The following FBXO42 variants were observed in gnomAD, a reference collection of about 807,000 sequenced individuals.
FBXO42 encodes F-box protein 42.
FBXO42 carries 12 observed loss-of-function variants against 71.7 expected under a neutral mutation model. The ratio of observed to expected loss-of-function variants is 0.17; its 90% CI spans 0.11 to 0.27. The LOEUF is 0.27. Among genes scored for constraint, FBXO42 ranks in the 10% least tolerant of loss-of-function variants. FBXO42 has a pLI of 1.00. For synonymous variants in FBXO42, 325 were observed against 327.5 expected (o/e 0.99, Z 0.08); for missense variants, 707 against 911.9 (o/e 0.78, Z 2.89).
In FBXO42 at chr1:16,249,856, G is replaced by A. The variant is rs1029836596; in HGVS notation, c.*814C>T. Reference sequence around the variant, plus strand: ...AGTGAATGGAAAAGGCAGTTTCCAAGTACCATGTTCTAAGGGAAGAAAGAG... The same window carrying A: ...AGTGAATGGAAAAGGCAGTTTCCAAATACCATGTTCTAAGGGAAGAAAGAG... On this transcript the variant is annotated 3_prime_UTR_variant, in exon 10 of 10. Coordinates refer to ENST00000375592, the MANE Select transcript of FBXO42 (RefSeq NM_018994.3). The A allele has an allele frequency of 3.9e-5, 6 of 152,110 alleles. No homozygotes were observed. The highest frequency in any genetic ancestry group is 1.2e-4 in the African/African-American group (5 of 41,440). 9.4% of individuals were successfully genotyped at this position (152,110 alleles called of 1,614,324 possible). A position where few individuals can be genotyped will look rare whatever the true frequency, so the allele number is the denominator to read the frequency against.
At chr1:16,341,685 T>A (rs969882778) in intron 1 of FBXO42, among the ~76,000 whole-genome samples, 3 of 148,920 alleles carry the variant, frequency 2.0e-5, no homozygotes, top group African/African-American at 7.4e-5. Context: ...TCTTAAAAGT[T>A]CTGGGCCGGG....
chr1:16,335,683 T>A (rs556195989), intron 1 of FBXO42, among the ~76,000 whole-genome samples: 2 of 151,964 alleles, frequency 1.3e-5, no homozygotes, highest in Admixed American at 1.3e-4. Context: ...CTGGCCAGCA[T>A]GGTGAAACAC....
intron 4 of FBXO42, among the ~76,000 whole-genome samples, chr1:16,266,687 A>G (rs2081778095): frequency 6.6e-6 from 1 of 152,154 alleles, no homozygotes; most frequent in Non-Finnish European, 1.5e-5. Flanking sequence ...GATTTTGCTG[A>G]TAAAACCAAA....
intron 1 of FBXO42, among the ~76,000 whole-genome samples, chr1:16,330,171 T>C (rs893032921): frequency 2.0e-5 from 3 of 152,264 alleles, no homozygotes; most frequent in Admixed American, 6.5e-5. Flanking sequence ...CTTGGGCAAA[T>C]AAAACTTTCT....
chr1:16,294,418 C>T (rs1409556910), intron 4 of FBXO42: 2 of 221,220 alleles, frequency 9.0e-6, no homozygotes, highest in East Asian at 1.1e-4. Flanking sequence ...GACCTTAGCC[C>T]TAGGACAATA....
At chr1:16,298,919 G>C (rs557293146) in intron 3 of FBXO42, among the ~76,000 whole-genome samples, 1 of 152,172 alleles carries the variant, frequency 6.6e-6, no homozygotes, top group Admixed American at 6.6e-5. Context: ...ACGTCTCCCA[G>C]TTCCTCACAG....
intron 3 of FBXO42, among the ~76,000 whole-genome samples, chr1:16,301,002 G>A (rs961415533): frequency 6.1e-5 from 9 of 147,976 alleles, no homozygotes; most frequent in African/African-American, 2.0e-4. Context: ...AGGTTCAAGC[G>A]ATTCTCCTGC....
At chr1:16,311,909 G>A (rs967341912) in intron 2 of FBXO42, among the ~76,000 whole-genome samples, 3 of 152,060 alleles carry the variant, frequency 2.0e-5, no homozygotes, top group Non-Finnish European at 2.9e-5. Flanking sequence ...AGAAACACCT[G>A]CACATGGATG....
intron 4 of FBXO42, among the ~76,000 whole-genome samples, chr1:16,257,503 C>T (rs2081658694): frequency 6.6e-6 from 1 of 152,176 alleles, no homozygotes; most frequent in Non-Finnish European, 1.5e-5. Context: ...AACACTTTGG[C>T]TTATGCTGGA....
Position 16,255,798 on chromosome 1 carries a change from T to C in FBXO42, c.680A>G (p.His227Arg), listed in dbSNP as rs201245585. Residue 227 changes from histidine (H) to arginine (R), a missense_variant, in exon 6 of 10, where the codon CAT (histidine) becomes CGT (arginine). Around this residue, in one of 5 missense-constraint regions of FBXO42, gnomAD observed 482 missense variants for 587.1 expected, o/e 0.82. Coordinates refer to ENST00000375592, the MANE Select transcript of FBXO42 (RefSeq NM_018994.3). Reference sequence around the variant, plus strand: ...GTGGCCAGCCATGGGAGGTGGCCCATGGGTTGTCACAATGCAGTTCCACCT... The same window carrying C: ...GTGGCCAGCCATGGGAGGTGGCCCACGGGTTGTCACAATGCAGTTCCACCT... ...KNWWNCIVTT[H>R]GPPPMAGHSS... The C allele has an allele frequency of 6.2e-6, 10 of 1,613,966 alleles. No individual in the cohort carries two copies. Among genetic ancestry groups the C allele is most frequent in the East Asian group, 2.2e-5 (1 of 44,882 alleles).
intron 1 of FBXO42, among the ~76,000 whole-genome samples, chr1:16,323,794 CAAAAA>C (rs1158421632): frequency 1.6e-5 from 1 of 63,252 alleles, no homozygotes; most frequent in Non-Finnish European, 2.8e-5. Flanking sequence ...GACTCTGTCT[CAAAAA>C]AAAAAAAAAA....
At chr1:16,280,384 C>T (rs1268060582) in intron 4 of FBXO42, among the ~76,000 whole-genome samples, 1 of 152,056 alleles carries the variant, frequency 6.6e-6, no homozygotes, top group East Asian at 1.9e-4. Flanking sequence ...TGTAATGTAT[C>T]AAGGATGGGA....
intron 1 of FBXO42, among the ~76,000 whole-genome samples, chr1:16,329,585 A>C (rs1569932294): frequency 6.6e-6 from 1 of 150,624 alleles, no homozygotes; most frequent in Admixed American, 6.6e-5. Context: ...CTCCATCTAT[A>C]AATCAATCAA....
At chr1:16,318,263 C>A (rs59033717) in intron 1 of FBXO42, among the ~76,000 whole-genome samples, 50,455 of 151,772 alleles carry the variant, frequency 0.33, 9,886 homozygotes, top group East Asian at 0.68. Context: ...ACTAAAAACA[C>A]AAAAATTAGT....
chr1:16,344,088 C>T (rs2082633289), intron 1 of FBXO42, among the ~76,000 whole-genome samples: 1 of 151,782 alleles, frequency 6.6e-6, no homozygotes, highest in African/African-American at 2.4e-5. Context: ...ACCTCCACCT[C>T]CCAGGTTTAA....
rs60328879 is a variant in FBXO42 at position 16,337,883 on chromosome 1, CAAAAAAAAAAAAAAAAA to C, written c.-18+14355_-18+14371del. On this transcript the variant is annotated intron_variant, in intron 1 of 9. Transcript: ENST00000375592. ...TGGGAGAAAGAGCGAGACTCCGTCT[CAAAAAAAAAAAAAAAAA>C]AAAAAAAAAAAAAAAAGAATAATAG... Among the ~76,000 whole-genome samples the C allele has an allele frequency of 6.6e-3, 257 of 38,860 alleles. 2 individuals carry two copies. Among genetic ancestry groups the C allele is most frequent in the Non-Finnish European group, 1.0e-2 (225 of 22,558 alleles). 25.5% of individuals were successfully genotyped at this position (38,860 alleles called of 152,430 possible). A position where few individuals can be genotyped will look rare whatever the true frequency, so the allele number is the denominator to read the frequency against.
chr1:16,308,932 G>C (rs552086838), intron 2 of FBXO42, among the ~76,000 whole-genome samples: 1 of 150,066 alleles, frequency 6.7e-6, no homozygotes, highest in Non-Finnish European at 1.5e-5. Context: ...TAGTAGAGAC[G>C]GGGTTTCACC....
At chr1:16,264,162 T>C (rs2081747573) in intron 4 of FBXO42, among the ~76,000 whole-genome samples, 1 of 152,170 alleles carries the variant, frequency 6.6e-6, no homozygotes, top group Non-Finnish European at 1.5e-5. Context: ...AGTAATGACT[T>C]TGAAGAACTG....
In FBXO42 at chr1:16,251,237, G is replaced by C; in HGVS notation, c.1587C>G (p.His529Gln). 1.2e-6 allele frequency: 2 copies of C among 1,614,162 alleles called. No homozygotes were observed. The highest frequency in any genetic ancestry group is 4.5e-5 in the East Asian group (2 of 44,874). The change falls in exon 10 of 10, where the codon CAC (histidine) becomes CAG (glutamine). Residue 529 changes from histidine (H) to glutamine (Q), a missense_variant. His to Gln is a conservative substitution (Grantham distance 24). Coordinates refer to ENST00000375592, the MANE Select transcript of FBXO42 (RefSeq NM_018994.3). The surrounding 1 kb of genome is among the most constrained non-coding windows in gnomAD (Gnocchi z 4.5). ...GCACACCATTTGTCTGTTCAGGAGG[G>C]TGTCTCATACTTCCCCCAACTGTCC... ...DNRTVGGSMR[H>Q]PPEQTNGVHT... is the part of the protein sequence containing the mutation.
Sources: gnomAD v4.1 joint callset for allele counts (sites outside exome capture counted in the v4.1 genomes callset) on GRCh38, gnomAD v4.1.1 for gene constraint, gnomAD v4.1.1 regional missense constraint, Gnocchi (gnomAD v3.1) non-coding constraint, MANE v1.5 for transcripts, NCBI Gene and HGNC (gene_info 2026-07-23, HGNC 2026-07-21) for gene names.